Variants in SHQ1 observed in about 807,000 individuals in gnomAD.
The protein encoded by SHQ1 is SHQ1, H/ACA ribonucleoprotein assembly factor, also known as protein SHQ1 homolog.
SHQ1 carries 49 observed loss-of-function variants against 53.8 expected under a neutral mutation model. The observed-to-expected ratio is 0.91, with a 90% CI of 0.72 to 1.16. The LOEUF (loss-of-function observed/expected upper bound fraction) is 1.16, where lower values mean the gene tolerates loss of function less well. SHQ1 is among the 50% of genes most tolerant of loss of function. The pLI is 0.00. For missense variants in SHQ1, 738 were observed against 683.1 expected (o/e 1.08, Z -0.90); for synonymous variants, 243 against 251.0 (o/e 0.97, Z 0.30).
At chr3:72,789,573 T>G (rs1208976303) in intron 10 of SHQ1, among the ~76,000 whole-genome samples, 1 of 152,238 alleles carries the variant, frequency 6.6e-6, no homozygotes, top group Non-Finnish European at 1.5e-5. Flanking sequence ...AAGTTAGAAT[T>G]GATTTATATT....
chr3:72,731,993 A>AG, the SHQ1 span, among the ~76,000 whole-genome samples: 3 of 151,676 alleles, frequency 2.0e-5, 1 homozygote, highest in East Asian at 5.8e-4. Context: ...CAGGCTTCGG[A>AG]GGGCCTCTCC....
At chr3:72,765,901 C>G (rs191026829) in intron 10 of SHQ1, among the ~76,000 whole-genome samples, 2 of 152,102 alleles carry the variant, frequency 1.3e-5, no homozygotes, top group African/African-American at 4.8e-5. Flanking sequence ...ACAAAACAGA[C>G]CAATTCCTGT....
chr3:72,844,879 A>G (rs1306092413), intron 1 of SHQ1, among the ~76,000 whole-genome samples: 1 of 152,228 alleles, frequency 6.6e-6, no homozygotes, highest in Non-Finnish European at 1.5e-5. Flanking sequence ...AAAAAATTAC[A>G]TAAAACTATC....
At chr3:72,824,920 G>A (rs1707603253) in intron 5 of SHQ1, among the ~76,000 whole-genome samples, 1 of 151,696 alleles carries the variant, frequency 6.6e-6, no homozygotes, top group Non-Finnish European at 1.5e-5. Flanking sequence ...TCCTGTCTCA[G>A]CCTCTCAAGT....
At chr3:72,813,830 C>CTTTTTTTTTT (rs931930903) in intron 8 of SHQ1, among the ~76,000 whole-genome samples, 1 of 108,204 alleles carries the variant, frequency 9.2e-6, no homozygotes, top group African/African-American at 3.4e-5. Context: ...TCCTCTTTTT[C>CTTTTTTTTTT]TTTTTTTTTT....
intron 6 of SHQ1, 32 bp downstream of exon 6, chr3:72,824,392 T>G (rs1341617613): frequency 1.2e-6 from 2 of 1,608,286 alleles, no homozygotes; most frequent in African/African-American, 2.7e-5. Flanking sequence ...GATTTTAAAA[T>G]GAAACAAATT....
At chr3:72,807,750 A>G (rs1367167221) in intron 9 of SHQ1, among the ~76,000 whole-genome samples, 1 of 152,238 alleles carries the variant, frequency 6.6e-6, no homozygotes. Flanking sequence ...ATCAGTCACA[A>G]GCCCTGTGCT....
In SHQ1 at chr3:72,768,623, C is replaced by T. The variant is rs539338990; in HGVS notation, c.1182-17787G>A. On this transcript the variant is annotated intron_variant, in intron 10 of 10. Transcript: ENST00000325599. ...CATTTTCTATTCCTATTGTTTAGTA[C>T]GTGTCCAAAGAAGAAAACAACAACA... 3.3e-5 allele frequency among the ~76,000 whole-genome samples: 5 copies of T among 152,250 alleles called. No individual in the cohort carries two copies. The South Asian group carries it at 6.2e-4, about 19-fold the overall frequency.
intron 10 of SHQ1, among the ~76,000 whole-genome samples, chr3:72,782,162 A>C (rs190983736): frequency 6.6e-6 from 1 of 152,336 alleles, no homozygotes; most frequent in East Asian, 1.9e-4. Flanking sequence ...CAATAGAAAC[A>C]TGTAATAGCT....
At chr3:72,741,486 T>A in the SHQ1 span, among the ~76,000 whole-genome samples, 1,445 of 152,114 alleles carry the variant, frequency 9.5e-3, 25 homozygotes, top group African/African-American at 0.033. Context: ...CTCAGGAGGC[T>A]GAGGCAGTAG....
At chr3:72,831,438 G>A (rs1391179410) in intron 5 of SHQ1, among the ~76,000 whole-genome samples, 1 of 152,232 alleles carries the variant, frequency 6.6e-6, no homozygotes, top group Non-Finnish European at 1.5e-5. Context: ...TAGTAGTAGT[G>A]TGACCTTGAG....
At chr3:72,822,970 A>T (rs1267686135) in intron 6 of SHQ1, among the ~76,000 whole-genome samples, 1 of 152,104 alleles carries the variant, frequency 6.6e-6, no homozygotes, top group Admixed American at 6.6e-5. Flanking sequence ...TAACAGGGTG[A>T]AACCCCGTCT....
At chr3:72,835,039 A>G (rs954626901) in intron 4 of SHQ1, among the ~76,000 whole-genome samples, 4 of 151,444 alleles carry the variant, frequency 2.6e-5, no homozygotes, top group Non-Finnish European at 4.4e-5. Context: ...TGTCCATACC[A>G]TCTTAGAAGC....
chr3:72,782,953 C>A (rs1359010415), intron 10 of SHQ1, among the ~76,000 whole-genome samples: 2 of 152,206 alleles, frequency 1.3e-5, no homozygotes, highest in Non-Finnish European at 2.9e-5. Context: ...CTAAATCAAT[C>A]ACCACCCTAA....
chr3:72,740,880 C>T, the SHQ1 span, among the ~76,000 whole-genome samples: 1 of 152,224 alleles, frequency 6.6e-6, no homozygotes, highest in African/African-American at 2.4e-5. Context: ...ACACTTCCTC[C>T]TTCCTGAGTC....
chr3:72,822,517 A>C (rs1707508297), intron 6 of SHQ1, among the ~76,000 whole-genome samples: 1 of 152,192 alleles, frequency 6.6e-6, no homozygotes, highest in East Asian at 1.9e-4. Flanking sequence ...TTTAAATCAA[A>C]GGGAACGCCT....
At chr3:72,805,058 A>G (rs1706897961) in intron 9 of SHQ1, among the ~76,000 whole-genome samples, 1 of 152,230 alleles carries the variant, frequency 6.6e-6, no homozygotes, top group Non-Finnish European at 1.5e-5. Flanking sequence ...ACTGTCCTGA[A>G]TGCTGTAAGC....
intron 5 of SHQ1, among the ~76,000 whole-genome samples, chr3:72,831,296 G>A (rs1018481197): frequency 2.0e-5 from 3 of 152,138 alleles, no homozygotes; most frequent in Non-Finnish European, 4.4e-5. Context: ...ATTCCAATTA[G>A]TATCCTACTG....
chr3:72,806,338 C>T (rs535896200), intron 9 of SHQ1, among the ~76,000 whole-genome samples: 1 of 152,268 alleles, frequency 6.6e-6, no homozygotes, highest in Non-Finnish European at 1.5e-5. Context: ...TCAGCAAAAA[C>T]AGGTACAAAT....
Sources: allele counts gnomAD v4.1 joint callset (sites outside exome capture counted in the v4.1 genomes callset), GRCh38; gene constraint gnomAD v4.1.1; transcripts MANE v1.5; gene names NCBI Gene and HGNC (gene_info 2026-07-23, HGNC 2026-07-21).